Variants in DOCK3 observed in about 807,000 individuals in gnomAD.
DOCK3 encodes the protein dedicator of cytokinesis protein 3.
A neutral mutation model predicts 265.6 loss-of-function variants in DOCK3; 60 were observed. The observed-to-expected ratio is 0.23, with a 90% confidence interval of 0.18 to 0.28. The LOEUF (loss-of-function observed/expected upper bound fraction) is 0.28. DOCK3 is among the 10% of genes least tolerant of loss of function. The pLI is 1.00. For synonymous variants in DOCK3, 881 were observed against 938.0 expected, an observed-to-expected ratio of 0.94 and a Z score of 1.11; for missense variants, 1,981 against 2,594.3, an observed-to-expected ratio of 0.76 and a Z score of 5.14.
chr3:50,832,616 T>C (rs2045252770), intron 2 of DOCK3, among the ~76,000 whole-genome samples: 1 of 152,222 alleles, frequency 6.6e-6, no homozygotes, highest in Non-Finnish European at 1.5e-5. Context: ...CTCCTGGGAA[T>C]GCAGCCCAGT....
chr3:50,984,538 T>C (rs1036300641), intron 5 of DOCK3, among the ~76,000 whole-genome samples: 2 of 152,248 alleles, frequency 1.3e-5, no homozygotes, highest in African/African-American at 4.8e-5. Flanking sequence ...GCACTTTGAA[T>C]ATGCCATCCT....
At chr3:50,744,960 T>C (rs1036082559) in intron 1 of DOCK3, among the ~76,000 whole-genome samples, 4 of 152,214 alleles carry the variant, frequency 2.6e-5, no homozygotes, top group Non-Finnish European at 5.9e-5. Context: ...TTTTGATGAC[T>C]ACAATTTTGT....
intron 32 of DOCK3, among the ~76,000 whole-genome samples, chr3:51,319,721 T>C (rs1380280331): frequency 6.6e-6 from 1 of 151,902 alleles, no homozygotes; most frequent in Non-Finnish European, 1.5e-5. Context: ...AAAAATTAGC[T>C]GGGCGTGGTG....
At chr3:51,013,423 G>T (rs1053543355) in intron 5 of DOCK3, among the ~76,000 whole-genome samples, 3 of 152,194 alleles carry the variant, frequency 2.0e-5, no homozygotes, top group African/African-American at 7.2e-5. Context: ...CTGCAGGTCT[G>T]TTGGAGTTTT....
At chr3:50,945,893 T>A (rs905549689) in intron 5 of DOCK3, among the ~76,000 whole-genome samples, 1 of 151,982 alleles carries the variant, frequency 6.6e-6, no homozygotes, top group Non-Finnish European at 1.5e-5. Context: ...TAGGGGATAA[T>A]GGGACCCACA....
intron 12 of DOCK3, among the ~76,000 whole-genome samples, chr3:51,173,187 C>A (rs145383995): frequency 6.6e-6 from 1 of 152,166 alleles, no homozygotes; most frequent in Non-Finnish European, 1.5e-5. Flanking sequence ...GTGGTACAAT[C>A]GTGGCTCACT....
intron 27 of DOCK3, among the ~76,000 whole-genome samples, chr3:51,305,724 G>A (rs2082625768): frequency 2.4e-5 from 1 of 40,828 alleles, no homozygotes; most frequent in South Asian, 8.9e-4. Context: ...GTCTGTGTGT[G>A]TGTGTGTGCG....
chr3:51,332,727 G>A (rs548333646), intron 33 of DOCK3, among the ~76,000 whole-genome samples: 11 of 152,296 alleles, frequency 7.2e-5, no homozygotes, highest in African/African-American at 2.6e-4. Flanking sequence ...ATGGCTCTGG[G>A]CAGTGATAAA....
chr3:51,103,874 GAT>G (rs983378218), intron 9 of DOCK3, among the ~76,000 whole-genome samples: 23 of 152,184 alleles, frequency 1.5e-4, no homozygotes, highest in African/African-American at 5.1e-4. Context: ...ATGTCCTGGG[GAT>G]ATACTAGGGA....
At chr3:50,801,737 A>G (rs577320235) in intron 2 of DOCK3, among the ~76,000 whole-genome samples, 6 of 152,294 alleles carry the variant, frequency 3.9e-5, no homozygotes, top group Non-Finnish European at 8.8e-5. Flanking sequence ...TGCAGTTTAA[A>G]TCTGATGTCC....
chr3:51,157,822 C>T (rs1490969400), intron 10 of DOCK3, among the ~76,000 whole-genome samples: 10 of 126,954 alleles, frequency 7.9e-5, no homozygotes, highest in South Asian at 2.5e-4. Flanking sequence ...TTTTTTGAGA[C>T]GGAGTCTCGC....
At chr3:51,058,345 A>G (rs1019508906) in intron 5 of DOCK3, among the ~76,000 whole-genome samples, 2 of 152,202 alleles carry the variant, frequency 1.3e-5, no homozygotes, top group African/African-American at 4.8e-5. Context: ...ACATTATTGC[A>G]AAAGACCACT....
chr3:50,849,145 C>T (rs1575349155), intron 3 of DOCK3, among the ~76,000 whole-genome samples: 1 of 152,108 alleles, frequency 6.6e-6, no homozygotes, highest in African/African-American at 2.4e-5. Context: ...AGCGGCCCCT[C>T]CACTTTAGGC....
At chr3:51,336,278 A>T (rs943258845) in intron 35 of DOCK3, among the ~76,000 whole-genome samples, 1 of 151,822 alleles carries the variant, frequency 6.6e-6, no homozygotes, top group Non-Finnish European at 1.5e-5. Flanking sequence ...AGACATGAAG[A>T]TTCTCACTGG....
intron 23 of DOCK3, among the ~76,000 whole-genome samples, chr3:51,264,973 A>T (rs937826142): frequency 2.0e-5 from 3 of 152,134 alleles, no homozygotes; most frequent in African/African-American, 7.2e-5. Flanking sequence ...AATGAAGAAA[A>T]GAGAGAAGAA....
chr3:50,958,381 C>T (rs984357236), intron 5 of DOCK3, among the ~76,000 whole-genome samples: 7 of 152,136 alleles, frequency 4.6e-5, no homozygotes, highest in Non-Finnish European at 1.0e-4. Flanking sequence ...CTCCTATTTC[C>T]AGCTACCTAT....
At position 51,306,023 on chromosome 3, in the gene DOCK3, C is replaced by CTT. The variant is rs573396023; in HGVS notation, c.2923-4199_2923-4198dup. On this transcript the variant is annotated intron_variant, in intron 27 of 52. Transcript: ENST00000266037. ...CCAGCTAGTTTTTCTTTTTTTTTTT[C>CTT]TTTTTTTTTTTAAATTTATTGTTGT... is the stretch of plus-strand genomic sequence containing the variant. Among the ~76,000 whole-genome samples, 5 of 139,280 alleles carry CTT rather than the reference C, an allele frequency of 3.6e-5. No homozygotes were observed. In the East Asian group the frequency reaches 8.3e-4, roughly 23 times the overall value. 91.4% of individuals were successfully genotyped at this position (139,280 alleles called of 152,430 possible). A position where few individuals can be genotyped will look rare whatever the true frequency, so the allele number is the denominator to read the frequency against.
chr3:50,828,303 A>G (rs1018318036), intron 2 of DOCK3, among the ~76,000 whole-genome samples: 3 of 152,116 alleles, frequency 2.0e-5, no homozygotes, highest in Non-Finnish European at 2.9e-5. Flanking sequence ...GAACTTTACA[A>G]TGATTTAACT....
At chr3:51,106,589 C>T (rs2083289885) in intron 9 of DOCK3, among the ~76,000 whole-genome samples, 2 of 152,206 alleles carry the variant, frequency 1.3e-5, no homozygotes, top group Admixed American at 1.3e-4. Flanking sequence ...TCACCAGTGC[C>T]TTGCCCCTGC....
Sources: gnomAD v4.1 joint callset for allele counts (sites outside exome capture counted in the v4.1 genomes callset) on GRCh38, gnomAD v4.1.1 for gene constraint, MANE v1.5 for transcripts, NCBI Gene and HGNC (gene_info 2026-07-23, HGNC 2026-07-21) for gene names.